LAMA1: variants seen among roughly 807,000 people sequenced by gnomAD.
LAMA1 encodes the protein laminin subunit alpha 1.
LAMA1 carries 219 observed loss-of-function variants against 348.7 expected under a neutral mutation model. That is an observed-to-expected ratio of 0.63 (90% CI 0.56 to 0.70). LAMA1 has a LOEUF of 0.70. LAMA1 is among the 30% of genes least tolerant of loss of function. The probability of loss-of-function intolerance (pLI) is 0.00; values close to 1 mark genes in which losing one functional copy is unlikely to be tolerated. For missense variants in LAMA1, 3,744 were observed against 3,888.0 expected, an observed-to-expected ratio of 0.96 and a Z score of 0.99; for synonymous variants, 1,487 against 1,491.0, an observed-to-expected ratio of 1.00 and a Z score of 0.06.
At chr18:7,025,294 G>A (rs372660868) in intron 17 of LAMA1, among the ~76,000 whole-genome samples, 1 of 152,106 alleles carries the variant, frequency 6.6e-6, no homozygotes, top group Admixed American at 6.5e-5. Flanking sequence ...GCCATGGCAC[G>A]CCCAGCTCCA....
intron 51 of LAMA1, among the ~76,000 whole-genome samples, chr18:6,963,116 T>C (rs1478817219): frequency 1.3e-5 from 2 of 152,162 alleles, no homozygotes; most frequent in African/African-American, 4.8e-5. Flanking sequence ...AGCAACTATA[T>C]GATTTTGGAC....
intron 59 of LAMA1, 119 bp downstream of exon 59, chr18:6,948,982 C>T (rs2057534254): frequency 3.0e-6 from 4 of 1,334,634 alleles, no homozygotes; most frequent in Non-Finnish European, 4.2e-6. Flanking sequence ...TAAACCTCTT[C>T]ACAAGCCCCA....
At chr18:6,967,843 G>C (rs1600356911) in intron 48 of LAMA1, among the ~76,000 whole-genome samples, 1 of 152,124 alleles carries the variant, frequency 6.6e-6, no homozygotes, top group East Asian at 1.9e-4. Flanking sequence ...TCCCTTCCCA[G>C]AGCCTGTGAG....
At position 7,083,475 on chromosome 18, in the gene LAMA1, C is replaced by T. The variant is rs144955706; in HGVS notation, c.62-3018G>A. Among the ~76,000 whole-genome samples, 218 of 151,926 alleles carry T rather than the reference C, an allele frequency of 1.4e-3. No individual in the cohort carries two copies. In the East Asian group the frequency reaches 0.031, roughly 21 times the overall value. On this transcript the variant is annotated intron_variant, in intron 1 of 62. Coordinates refer to ENST00000389658, the MANE Select transcript of LAMA1 (RefSeq NM_005559.4). The stretch of plus-strand genomic sequence containing the variant: ...TGCTGGGATTACAGGCTTGAGCCAC[C>T]GCGCCGGGCCCTAAATATACTTTTA...
At chr18:6,983,312 C>T (rs1003010591) in intron 39 of LAMA1, 78 bp from the exon 40 acceptor site, 4 of 1,494,072 alleles carry the variant, frequency 2.7e-6, no homozygotes, top group African/African-American at 2.8e-5. Flanking sequence ...ATCATAAATG[C>T]CTACCAGTTT....
At chr18:7,116,701 C>T (rs961433827) in intron 1 of LAMA1, among the ~76,000 whole-genome samples, 4 of 152,212 alleles carry the variant, frequency 2.6e-5, no homozygotes, top group African/African-American at 9.7e-5. Context: ...CTAGCCAACA[C>T]GAAGCCACGC....
At chr18:6,946,576 G>A (rs1488994392) in intron 61 of LAMA1, among the ~76,000 whole-genome samples, 6 of 152,050 alleles carry the variant, frequency 3.9e-5, no homozygotes, top group African/African-American at 7.2e-5. Flanking sequence ...AAAATTAGCC[G>A]GGTGTGGTGG....
intron 48 of LAMA1, among the ~76,000 whole-genome samples, chr18:6,968,901 T>C (rs867478276): frequency 2.0e-5 from 3 of 152,212 alleles, no homozygotes; most frequent in Admixed American, 6.5e-5. Context: ...TGGCAAATTA[T>C]ACACAAACAG....
intron 49 of LAMA1, chr18:6,965,726 A>C: frequency 2.2e-6 from 1 of 445,920 alleles, no homozygotes; most frequent in Non-Finnish European, 4.1e-6. Flanking sequence ...GTTCTAAAAA[A>C]TAAAACCAAA....
chr18:6,970,898 C>T (rs939920111), intron 48 of LAMA1, among the ~76,000 whole-genome samples: 2 of 152,276 alleles, frequency 1.3e-5, no homozygotes, highest in East Asian at 3.9e-4. Flanking sequence ...CAGGCGTGAG[C>T]CACCATGACC....
In LAMA1 at chr18:7,009,518, C is replaced by A; in HGVS notation, c.3874-152G>T. On this transcript the variant is annotated intron_variant, in intron 26 of 62. Transcript: ENST00000389658. ...TGTAACTGACAAAGACCTCCTGAAA[C>A]CTCCATGGACAGGCGCAGTGTCAGT... 5.0e-6 allele frequency: 4 copies of A among 801,660 alleles called. No homozygotes were observed. The South Asian group carries it at 6.3e-5, about 13-fold the overall frequency. 49.7% of individuals were successfully genotyped at this position (801,660 alleles called of 1,614,324 possible). A position where few individuals can be genotyped will look rare whatever the true frequency, so the allele number is the denominator to read the frequency against.
At chr18:7,117,628 G>A (rs761706006) in intron 1 of LAMA1, 32 bp downstream of exon 1, 5 of 1,592,130 alleles carry the variant, frequency 3.1e-6, no homozygotes, top group African/African-American at 2.7e-5. Flanking sequence ...GCCTGCGGGG[G>A]ACAGGGACCC....
chr18:7,046,042 G>C (rs2058040831), intron 6 of LAMA1, among the ~76,000 whole-genome samples: 1 of 150,862 alleles, frequency 6.6e-6, no homozygotes, highest in South Asian at 2.1e-4. Flanking sequence ...TAAACTTTAT[G>C]TTAGGGATAT....
chr18:6,981,484 C>A (rs909691177), intron 41 of LAMA1, among the ~76,000 whole-genome samples: 3 of 152,176 alleles, frequency 2.0e-5, no homozygotes, highest in Admixed American at 2.0e-4. Flanking sequence ...TTTAAAATTT[C>A]TGTTCATAAC....
In LAMA1 at chr18:7,042,209, A is replaced by C. The variant is rs1568043232; in HGVS notation, c.1197T>G (p.Cys399Trp). ...YEDEPCRPCN[C>W]DPVGSLSSVC... is the part of the protein sequence containing the mutation. ...CAGAACTGAGGGACCCCACAGGGTC[A>C]CAATTACAGGGGCGGCAAGGCTCAT... Residue 399 changes from cysteine (C) to tryptophan (W), a missense_variant, in exon 9 of 63, where the codon TGT (cysteine) becomes TGG (tryptophan). Physicochemically the swap from Cys to Trp is radical, Grantham distance 215. This residue lies in a region of LAMA1 where 1,529 missense variants were observed against 1,689.4 expected (regional missense o/e 0.91). Coordinates refer to ENST00000389658, the MANE Select transcript of LAMA1 (RefSeq NM_005559.4). 1.2e-6 allele frequency: 2 copies of C among 1,612,592 alleles called. No homozygotes were observed. Among genetic ancestry groups the C allele is most frequent in the Admixed American group, 3.3e-5 (2 of 59,880 alleles).
chr18:7,019,843 A>C (rs2144133598), intron 19 of LAMA1, among the ~76,000 whole-genome samples: 1 of 151,748 alleles, frequency 6.6e-6, no homozygotes, highest in African/African-American at 2.4e-5. Context: ...CACCACGCCC[A>C]GCTAATTTTT....
At chr18:7,071,612 T>C (rs1380551866) in intron 3 of LAMA1, among the ~76,000 whole-genome samples, 1 of 152,210 alleles carries the variant, frequency 6.6e-6, no homozygotes, top group African/African-American at 2.4e-5. Context: ...ATAGAAACTA[T>C]TAATGCAGCT....
In LAMA1 at chr18:6,943,298, G is replaced by A. The variant is rs189191079; in HGVS notation, c.8949C>T (p.Asn2983=). Reference sequence around the variant, plus strand: ...TCAGAGTGATACGGTGTTTGCTTTTGTTAGCTTGAAGAGTGTGCCATTTTC... The same window carrying A: ...TCAGAGTGATACGGTGTTTGCTTTTATTAGCTTGAAGAGTGTGCCATTTTC... ...CDGKWHTLQA[N]KSKHRITLIV... Residue 2983 remains asparagine (N), a synonymous_variant, in exon 62 of 63, where the codon AAC becomes AAT. Coordinates refer to ENST00000389658, the MANE Select transcript of LAMA1 (RefSeq NM_005559.4). The A allele has an allele frequency of 2.7e-5, 44 of 1,614,216 alleles. No individual in the cohort carries two copies. The highest frequency in any genetic ancestry group is 4.0e-5 in the African/African-American group (3 of 75,060).
chr18:6,944,724 T>C (rs966785866), intron 61 of LAMA1, among the ~76,000 whole-genome samples: 1 of 152,150 alleles, frequency 6.6e-6, no homozygotes, highest in African/African-American at 2.4e-5. Context: ...GGACTTCTAG[T>C]CTCTAGAGTG....
Sources: allele counts gnomAD v4.1 joint callset (sites outside exome capture counted in the v4.1 genomes callset), GRCh38; gene constraint gnomAD v4.1.1; regional missense constraint gnomAD v4.1.1; transcripts MANE v1.5; gene names NCBI Gene and HGNC (gene_info 2026-07-23, HGNC 2026-07-21).